PALLD: variants seen among roughly 807,000 people sequenced by gnomAD.
PALLD encodes the protein palladin, cytoskeletal associated protein.
A neutral mutation model predicts 123.5 loss-of-function variants in PALLD; 61 were observed. The observed-to-expected ratio is 0.49, with a 90% confidence interval of 0.40 to 0.61. PALLD has a LOEUF of 0.61. Ranked by LOEUF, PALLD falls within the 20% of genes least tolerant of loss-of-function variation. The pLI is 0.00. For missense variants in PALLD, 1,273 were observed against 1,377.0 expected (o/e 0.92, Z 1.20); for synonymous variants, 465 against 496.4 (o/e 0.94, Z 0.84).
intron 10 of PALLD, among the ~76,000 whole-genome samples, chr4:168,830,276 C>CACG (rs1554090821): frequency 6.7e-6 from 1 of 148,676 alleles, no homozygotes; most frequent in Non-Finnish European, 1.5e-5. Context: ...GTGCGGTGGT[C>CACG]ACGCCTGGGA....
intron 2 of PALLD, among the ~76,000 whole-genome samples, chr4:168,641,960 A>T (rs1301335890): frequency 1.3e-5 from 2 of 152,168 alleles, no homozygotes; most frequent in African/African-American, 2.4e-5. Flanking sequence ...AGCGCAATGA[A>T]TGTTGATTGG....
chr4:168,895,906 G>T (rs1359862630), intron 12 of PALLD, among the ~76,000 whole-genome samples: 1 of 152,104 alleles, frequency 6.6e-6, no homozygotes, highest in South Asian at 2.1e-4. Flanking sequence ...TGAAAATATT[G>T]TAAGTTGAAA....
chr4:168,727,572 C>G (rs766588411), intron 10 of PALLD, among the ~76,000 whole-genome samples: 1 of 151,648 alleles, frequency 6.6e-6, no homozygotes, highest in African/African-American at 2.4e-5. Context: ...TCTTTTTTAT[C>G]TGTTGATTTA....
intron 10 of PALLD, among the ~76,000 whole-genome samples, chr4:168,793,079 G>A (rs923935989): frequency 4.7e-5 from 7 of 150,292 alleles, no homozygotes; most frequent in Non-Finnish European, 5.9e-5. Flanking sequence ...CGTAATACAT[G>A]TATGTAATTT....
chr4:168,781,222 C>A (rs181270797), intron 10 of PALLD, among the ~76,000 whole-genome samples: 1 of 152,292 alleles, frequency 6.6e-6, no homozygotes, highest in Admixed American at 6.5e-5. Context: ...AGGAGAATTA[C>A]TGGACTTTGG....
chr4:168,774,895 A>C (rs1734968692), intron 10 of PALLD, among the ~76,000 whole-genome samples: 1 of 152,062 alleles, frequency 6.6e-6, no homozygotes, highest in Non-Finnish European at 1.5e-5. Context: ...TATAAATGGA[A>C]TCTTTCCGTA....
chr4:168,889,138 T>TGTGTGTGTG (rs1753779787), intron 10 of PALLD, among the ~76,000 whole-genome samples: 3 of 132,238 alleles, frequency 2.3e-5, no homozygotes, highest in Non-Finnish European at 4.7e-5. Context: ...TTGCTTTATT[T>TGTGTGTGTG]TGTGTGTGTG....
chr4:168,685,625 T>C, intron 6 of PALLD, 66 bp downstream of exon 6: 1 of 1,016,900 alleles, frequency 9.8e-7, no homozygotes, highest in Non-Finnish European at 1.6e-6. Context: ...TACATGTGGC[T>C]TCGTGTAGCA....
chr4:168,771,809 G>A (rs2150503833), intron 10 of PALLD, among the ~76,000 whole-genome samples: 1 of 152,230 alleles, frequency 6.6e-6, no homozygotes, highest in South Asian at 2.1e-4. Context: ...AGTTTCATTT[G>A]TCCACAATCC....
chr4:168,843,470 A>T (rs554232322), intron 10 of PALLD, among the ~76,000 whole-genome samples: 2 of 152,330 alleles, frequency 1.3e-5, no homozygotes, highest in East Asian at 3.9e-4. Flanking sequence ...GCACATACGT[A>T]GTATAAGAAT....
At chr4:168,554,861 C>G (rs1487883216) in intron 2 of PALLD, among the ~76,000 whole-genome samples, 2 of 152,046 alleles carry the variant, frequency 1.3e-5, no homozygotes, top group African/African-American at 4.8e-5. Flanking sequence ...CATATTTATA[C>G]TATTTACTTT....
intron 1 of PALLD, among the ~76,000 whole-genome samples, chr4:168,510,783 G>C (rs1324715273): frequency 6.6e-6 from 1 of 152,138 alleles, no homozygotes; most frequent in Non-Finnish European, 1.5e-5. Flanking sequence ...ATGCAGAGTT[G>C]AGTAATTATA....
rs559917006 is a variant in PALLD, at chr4:168,834,703, C to T, written c.1965-56219C>T. ...AGTGAGCCAAGATTACACCACTGCA[C>T]TCCAGCCTGGGTGTCAGAGCGAGAC... On this transcript the variant is annotated intron_variant, in intron 10 of 21. Coordinates refer to ENST00000505667, the MANE Select transcript of PALLD (RefSeq NM_001166108.2). Among the ~76,000 whole-genome samples, 7 of 152,202 alleles carry T rather than the reference C, an allele frequency of 4.6e-5. No individual in the cohort carries two copies. The South Asian group carries it at 1.5e-3, about 32-fold the overall frequency.
At chr4:168,699,155 T>C (rs1405458471) in intron 8 of PALLD, among the ~76,000 whole-genome samples, 1 of 152,232 alleles carries the variant, frequency 6.6e-6, no homozygotes, top group Admixed American at 6.5e-5. Context: ...CTTGGTTCAC[T>C]GCAACCTCTG....
intron 10 of PALLD, among the ~76,000 whole-genome samples, chr4:168,852,196 T>C (rs971798582): frequency 6.6e-6 from 1 of 152,132 alleles, no homozygotes; most frequent in East Asian, 1.9e-4. Context: ...TTAAACTAGA[T>C]AGCAAAGAAA....
chr4:168,594,182 T>C (rs1010102059), intron 2 of PALLD, among the ~76,000 whole-genome samples: 5 of 151,898 alleles, frequency 3.3e-5, no homozygotes, highest in Non-Finnish European at 7.4e-5. Flanking sequence ...AAAATCAAAA[T>C]GAAATAGAGA....
chr4:168,700,887 T>C (rs943751511), intron 8 of PALLD: 1 of 152,078 alleles, frequency 6.6e-6, no homozygotes, highest in Non-Finnish European at 1.5e-5. Context: ...AAAAATAAAA[T>C]AAAACAAAAT....
chr4:168,716,673 T>C (rs902911657), intron 10 of PALLD, among the ~76,000 whole-genome samples: 6 of 152,206 alleles, frequency 3.9e-5, no homozygotes, highest in African/African-American at 1.4e-4. Context: ...CTGTTAGGGA[T>C]TGTTAGCATC....
At chr4:168,693,257 C>A (rs2150131504) in intron 8 of PALLD, among the ~76,000 whole-genome samples, 1 of 152,018 alleles carries the variant, frequency 6.6e-6, no homozygotes, top group East Asian at 1.9e-4. Flanking sequence ...ACATACACTC[C>A]TTCTGTTTCA....
Sources: allele counts gnomAD v4.1 joint callset (sites outside exome capture counted in the v4.1 genomes callset), GRCh38; gene constraint gnomAD v4.1.1; transcripts MANE v1.5; gene names NCBI Gene and HGNC (gene_info 2026-07-23, HGNC 2026-07-21).